The following ARMH3 variants were observed in gnomAD, a reference collection of about 807,000 sequenced individuals.
ARMH3 encodes armadillo-like helical domain-containing protein 3.
ARMH3 carries 60 observed loss-of-function variants against 99.1 expected under a neutral mutation model. The ratio of observed to expected loss-of-function variants is 0.61; its 90% CI spans 0.49 to 0.75. The LOEUF (loss-of-function observed/expected upper bound fraction) is 0.75. Ranked by LOEUF, ARMH3 falls within the 30% of genes least tolerant of loss-of-function variation. The probability of loss-of-function intolerance (pLI) is 0.00; values close to 1 mark genes in which losing one functional copy is unlikely to be tolerated. For synonymous variants in ARMH3, 285 were observed against 292.8 expected (o/e 0.97, Z 0.27); for missense variants, 679 against 843.1 (o/e 0.81, Z 2.41).
chr10:101,932,614 C>T (rs560968013), intron 23 of ARMH3, among the ~76,000 whole-genome samples: 8 of 152,316 alleles, frequency 5.3e-5, no homozygotes, highest in African/African-American at 1.9e-4. Flanking sequence ...TGCTACAACA[C>T]GGACGAACCT....
chr10:101,920,069 T>C (rs997111213), intron 23 of ARMH3, among the ~76,000 whole-genome samples: 8 of 152,212 alleles, frequency 5.3e-5, no homozygotes, highest in African/African-American at 1.9e-4. Context: ...AAAGGAACTC[T>C]ATGTTTGTTT....
intron 23 of ARMH3, among the ~76,000 whole-genome samples, chr10:101,920,157 G>T (rs1223356815): frequency 6.6e-6 from 1 of 152,208 alleles, no homozygotes; most frequent in African/African-American, 2.4e-5. Flanking sequence ...AGAGCTCACA[G>T]CCTAGTCAAG....
intron 22 of ARMH3, among the ~76,000 whole-genome samples, chr10:101,955,654 T>G (rs1241629236): frequency 1.3e-5 from 2 of 152,228 alleles, no homozygotes; most frequent in Admixed American, 1.3e-4. Flanking sequence ...GGTTGGGATT[T>G]TCACAATTAA....
intron 24 of ARMH3, among the ~76,000 whole-genome samples, chr10:101,861,489 C>G (rs1230960544): frequency 1.3e-5 from 2 of 151,930 alleles, no homozygotes; most frequent in African/African-American, 4.8e-5. Flanking sequence ...TCCCAGCACT[C>G]TGGGAGGCTG....
Position 101,849,762 on chromosome 10 carries a change from G to A in ARMH3, c.1977+14C>T, listed in dbSNP as rs765347889. ...GGGCCCCTAAGACACAGGCAGAGGC[G>A]GTGGGGCACTCACCAGCTCTTTGAA... On this transcript the variant is annotated intron_variant, in intron 25 of 25. Transcript: ENST00000370033. 83 of 1,608,916 alleles carry A rather than the reference G, an allele frequency of 5.2e-5. No homozygotes were observed. Among genetic ancestry groups the A allele is most frequent in the Middle Eastern group, 1.6e-4 (1 of 6,068 alleles).
At chr10:101,895,453 G>A (rs1405060615) in intron 23 of ARMH3, among the ~76,000 whole-genome samples, 1 of 151,862 alleles carries the variant, frequency 6.6e-6, no homozygotes. Context: ...CTAATTTTTT[G>A]TATTTTTAGT....
intron 15 of ARMH3, 33 bp from the exon 16 acceptor site, chr10:101,995,388 T>A: frequency 6.4e-7 from 1 of 1,565,834 alleles, no homozygotes; most frequent in Non-Finnish European, 8.8e-7. Flanking sequence ...TCTCTGTAAA[T>A]CATCCAGATT....
At chr10:101,926,338 C>T (rs1843506411) in intron 23 of ARMH3, among the ~76,000 whole-genome samples, 1 of 152,198 alleles carries the variant, frequency 6.6e-6, no homozygotes, top group Non-Finnish European at 1.5e-5. Context: ...CAGGCATGTG[C>T]TACCATGCCC....
At chr10:101,954,937 G>T (rs1239263477) in intron 22 of ARMH3, among the ~76,000 whole-genome samples, 2 of 152,034 alleles carry the variant, frequency 1.3e-5, no homozygotes, top group Non-Finnish European at 2.9e-5. Context: ...AGTTGAGCAG[G>T]TATGTCAGAC....
At chr10:102,038,869 A>G (rs943125884) in intron 2 of ARMH3, among the ~76,000 whole-genome samples, 1 of 151,766 alleles carries the variant, frequency 6.6e-6, no homozygotes, top group Non-Finnish European at 1.5e-5. Flanking sequence ...CCTCCCAAGT[A>G]GCTGGGACTA....
At chr10:101,870,390 C>T (rs2067105757) in intron 24 of ARMH3, among the ~76,000 whole-genome samples, 1 of 152,030 alleles carries the variant, frequency 6.6e-6, no homozygotes, top group Non-Finnish European at 1.5e-5. Flanking sequence ...CAGAAGTATA[C>T]TGATATATGC....
chr10:102,054,035 G>A (rs1443194555), intron 1 of ARMH3, among the ~76,000 whole-genome samples: 2 of 152,190 alleles, frequency 1.3e-5, no homozygotes, highest in African/African-American at 4.8e-5. Context: ...TGTGCTCAGT[G>A]TGAGATTCCA....
intron 20 of ARMH3, among the ~76,000 whole-genome samples, chr10:101,974,631 G>A (rs961155482): frequency 1.3e-5 from 2 of 152,180 alleles, no homozygotes; most frequent in Non-Finnish European, 1.5e-5. Context: ...GCTACCAAAT[G>A]GTTAGAAAGA....
At position 101,847,315 on chromosome 10, in the gene ARMH3, G is replaced by T; in HGVS notation, c.*213C>A. ...ACATTCCTGGAGGCCTCTCCCCACTGTGCCCACCCATTCCTCCCCAAATAA... is the reference window on the plus strand; with the variant it reads ...ACATTCCTGGAGGCCTCTCCCCACTTTGCCCACCCATTCCTCCCCAAATAA... On this transcript the variant is annotated 3_prime_UTR_variant, in exon 26 of 26. Coordinates refer to ENST00000370033, the MANE Select transcript of ARMH3 (RefSeq NM_024541.3). The T allele has an allele frequency of 1.9e-6, 1 of 529,182 alleles. No individual in the cohort carries two copies. Among genetic ancestry groups the T allele is most frequent in the Non-Finnish European group, 3.4e-6 (1 of 292,896 alleles). The allele number at this position is 529,182 out of a possible 1,614,324, so 32.8% of individuals were successfully genotyped here.
chr10:102,033,292 A>G lies in ARMH3; in HGVS notation c.150T>C (p.Phe50=), dbSNP rs374142877. The G allele has an allele frequency of 5.6e-6, 9 of 1,614,134 alleles. No individual in the cohort carries two copies. Among genetic ancestry groups the G allele is most frequent in the Non-Finnish European group, 7.6e-6 (9 of 1,180,026 alleles). Residue 50 remains phenylalanine (F), a synonymous_variant, in exon 3 of 26, where the codon TTT becomes TTC. Transcript: ENST00000370033. ...TGCCACCAACTCTTACCTTCATGAGAAAGAGCTCCTCCCAAAACCGAGGAC... is the reference window on the plus strand; with the variant it reads ...TGCCACCAACTCTTACCTTCATGAGGAAGAGCTCCTCCCAAAACCGAGGAC... ...KCSPRFWEEL[F]LMKVNLEYLE... is the part of the protein sequence containing the mutation.
intron 24 of ARMH3, among the ~76,000 whole-genome samples, chr10:101,866,551 G>C (rs1005730561): frequency 6.6e-6 from 1 of 151,960 alleles, no homozygotes; most frequent in Non-Finnish European, 1.5e-5. Flanking sequence ...TACGCCAGCA[G>C]GCATGAAAAT....
At chr10:102,047,193 TTA>T (rs1200442497) in intron 1 of ARMH3, among the ~76,000 whole-genome samples, 1 of 152,212 alleles carries the variant, frequency 6.6e-6, no homozygotes, top group East Asian at 1.9e-4. Context: ...TGATTTTTTT[TTA>T]AACTCTCCCA....
intron 23 of ARMH3, among the ~76,000 whole-genome samples, chr10:101,937,241 G>A (rs999794852): frequency 6.6e-6 from 1 of 152,094 alleles, no homozygotes; most frequent in African/African-American, 2.4e-5. Flanking sequence ...GATTAGGCTG[G>A]GCATGGTGGC....
At chr10:101,901,746 A>G (rs1445222932) in intron 23 of ARMH3, among the ~76,000 whole-genome samples, 1 of 152,194 alleles carries the variant, frequency 6.6e-6, no homozygotes, top group African/African-American at 2.4e-5. Context: ...GGATGGGAGA[A>G]AGCAGGGGGG....
Sources: gnomAD v4.1 joint callset for allele counts (sites outside exome capture counted in the v4.1 genomes callset) on GRCh38, gnomAD v4.1.1 for gene constraint, MANE v1.5 for transcripts, NCBI Gene and HGNC (gene_info 2026-07-23, HGNC 2026-07-21) for gene names.